The following BMPR2 variants were observed in gnomAD, a reference collection of about 807,000 sequenced individuals.
BMPR2 encodes bone morphogenetic protein receptor type-2.
A neutral mutation model predicts 100.8 loss-of-function variants in BMPR2; 29 were observed. The observed-to-expected ratio is 0.29, with a 90% CI of 0.21 to 0.39. The LOEUF (loss-of-function observed/expected upper bound fraction) is 0.39, where lower values mean the gene tolerates loss of function less well. Among genes scored for constraint, BMPR2 ranks in the 10% least tolerant of loss-of-function variants. The pLI, the probability that BMPR2 is intolerant of heterozygous loss-of-function variation, is 1.00. For missense variants in BMPR2, 1,011 were observed against 1,274.5 expected, an observed-to-expected ratio of 0.79 and a Z score of 3.15; for synonymous variants, 382 against 442.3, an observed-to-expected ratio of 0.86 and a Z score of 1.71.
At chr2:202,411,670 G>T (rs1291473868) in intron 1 of BMPR2, among the ~76,000 whole-genome samples, 1 of 152,078 alleles carries the variant, frequency 6.6e-6, no homozygotes, top group African/African-American at 2.4e-5. Context: ...CTTTCTATAC[G>T]TTTATTTAAC....
chr2:202,549,606 G>A (rs187216042), intron 10 of BMPR2, among the ~76,000 whole-genome samples: 78 of 151,818 alleles, frequency 5.1e-4, no homozygotes, highest in Admixed American at 7.2e-4. Flanking sequence ...AAAATTAGCC[G>A]GGTGTGGTGG....
At chr2:202,513,599 T>C in intron 3 of BMPR2, 120 bp from the exon 4 acceptor site, 1 of 666,802 alleles carries the variant, frequency 1.5e-6, no homozygotes. Flanking sequence ...TTTCCTTTGA[T>C]GCAAAAACAT....
chr2:202,386,830 G>A (rs1400159154), intron 1 of BMPR2, among the ~76,000 whole-genome samples: 2 of 152,026 alleles, frequency 1.3e-5, no homozygotes, highest in African/African-American at 4.8e-5. Context: ...ACAGGCGCGT[G>A]CCACCACGCC....
chr2:202,430,233 T>C (rs1040495368), intron 1 of BMPR2, among the ~76,000 whole-genome samples: 2 of 152,114 alleles, frequency 1.3e-5, no homozygotes, highest in African/African-American at 4.8e-5. Flanking sequence ...CCAAATATAG[T>C]CACACTGAGG....
chr2:202,507,407 C>G (rs976801839), intron 3 of BMPR2, among the ~76,000 whole-genome samples: 4 of 152,036 alleles, frequency 2.6e-5, no homozygotes, highest in African/African-American at 9.7e-5. Context: ...TCACATTGGT[C>G]GAGACAGCAT....
intron 1 of BMPR2, among the ~76,000 whole-genome samples, chr2:202,442,697 C>T (rs1691771944): frequency 6.6e-6 from 1 of 150,568 alleles, no homozygotes; most frequent in African/African-American, 2.5e-5. Context: ...TGCATTATTT[C>T]ATCTTTTGTG....
intron 3 of BMPR2, among the ~76,000 whole-genome samples, chr2:202,510,624 T>C (rs553228824): frequency 6.6e-6 from 1 of 152,292 alleles, no homozygotes; most frequent in African/African-American, 2.4e-5. Context: ...TTGAAAATAG[T>C]TTATCTTTTA....
At chr2:202,396,144 A>G (rs1690652872) in intron 1 of BMPR2, among the ~76,000 whole-genome samples, 1 of 152,192 alleles carries the variant, frequency 6.6e-6, no homozygotes, top group African/African-American at 2.4e-5. Flanking sequence ...TAAACTGCAC[A>G]TGAAAAGGAA....
chr2:202,459,226 A>G (rs1351669266), intron 1 of BMPR2, among the ~76,000 whole-genome samples: 8 of 152,226 alleles, frequency 5.3e-5, no homozygotes, highest in Admixed American at 3.9e-4. Context: ...GCAAACATCT[A>G]TATTTTTGTA....
intron 3 of BMPR2, among the ~76,000 whole-genome samples, chr2:202,507,955 C>T (rs892153674): frequency 3.3e-5 from 5 of 151,806 alleles, no homozygotes; most frequent in Non-Finnish European, 7.4e-5. Context: ...CCGCCTCAGC[C>T]TCCCAAAGTG....
intron 3 of BMPR2, among the ~76,000 whole-genome samples, chr2:202,507,406 T>G (rs561678050): frequency 6.6e-6 from 1 of 152,312 alleles, no homozygotes; most frequent in African/African-American, 2.4e-5. Context: ...TTCACATTGG[T>G]CGAGACAGCA....
In BMPR2 at chr2:202,555,880, C is replaced by G; in HGVS notation, c.2215C>G (p.Pro739Ala). The G allele has an allele frequency of 6.2e-7, 1 of 1,614,120 alleles. No homozygotes were observed. The highest frequency in any genetic ancestry group is 8.5e-7 in the Non-Finnish European group (1 of 1,180,020). The part of the protein sequence containing the change: ...GQACLIPDVL[P>A]TQIYPLPKQQ... ...AGCATGTTTGATTCCTGATGTTCTG[C>G]CTACTCAGATCTATCCTCTCCCCAA... is the stretch of plus-strand genomic sequence containing the variant. Residue 739 changes from proline (P) to alanine (A), a missense_variant, in exon 12 of 13, where the codon CCT (proline) becomes GCT (alanine). This residue lies in a region of BMPR2 where 508 missense variants were observed against 552.0 expected (regional missense o/e 0.92). Transcript: ENST00000374580.
At chr2:202,474,149 A>G (rs1198240481) in intron 3 of BMPR2, among the ~76,000 whole-genome samples, 2 of 151,556 alleles carry the variant, frequency 1.3e-5, no homozygotes, top group Non-Finnish European at 2.9e-5. Flanking sequence ...AAAACTGTGC[A>G]AACTTAGCAA....
At chr2:202,554,844 T>A (rs1030712377) in intron 11 of BMPR2, among the ~76,000 whole-genome samples, 4 of 152,224 alleles carry the variant, frequency 2.6e-5, no homozygotes, top group Admixed American at 1.3e-4. Flanking sequence ...GTAGGCACTA[T>A]GCATCTAGAA....
chr2:202,389,705 G>A (rs185419102), intron 1 of BMPR2, among the ~76,000 whole-genome samples: 1 of 149,738 alleles, frequency 6.7e-6, no homozygotes, highest in Non-Finnish European at 1.5e-5. Context: ...GCCATGGCTC[G>A]ATCTTGGCTC....
At chr2:202,483,580 G>A (rs1274908353) in intron 3 of BMPR2, among the ~76,000 whole-genome samples, 2 of 151,988 alleles carry the variant, frequency 1.3e-5, no homozygotes, top group East Asian at 3.9e-4. Context: ...TGTATTTTTG[G>A]TAGCGATGGG....
intron 5 of BMPR2, among the ~76,000 whole-genome samples, chr2:202,518,330 G>T (rs1426875944): frequency 6.6e-6 from 1 of 151,200 alleles, no homozygotes; most frequent in Non-Finnish European, 1.5e-5. Flanking sequence ...TAGAGACAGG[G>T]TTTCACCACT....
At chr2:202,518,335 A>G (rs778423767) in intron 5 of BMPR2, among the ~76,000 whole-genome samples, 1 of 150,672 alleles carries the variant, frequency 6.6e-6, no homozygotes, top group Non-Finnish European at 1.5e-5. Context: ...ACAGGGTTTC[A>G]CCACTTTGGC....
chr2:202,479,471 A>T (rs1692617183), intron 3 of BMPR2, among the ~76,000 whole-genome samples: 1 of 151,346 alleles, frequency 6.6e-6, no homozygotes, highest in Non-Finnish European at 1.5e-5. Flanking sequence ...AATAAAAAAA[A>T]GTAGAGCAGT....
Sources: allele counts gnomAD v4.1 joint callset (sites outside exome capture counted in the v4.1 genomes callset), GRCh38; gene constraint gnomAD v4.1.1; regional missense constraint gnomAD v4.1.1; transcripts MANE v1.5; gene names NCBI Gene and HGNC (gene_info 2026-07-23, HGNC 2026-07-21).